GABRA3: variants seen among roughly 807,000 people sequenced by gnomAD.
The protein encoded by GABRA3 is gamma-aminobutyric acid receptor subunit alpha-3.
GABRA3 carries 10 observed loss-of-function variants against 30.1 expected under a neutral mutation model. The observed-to-expected ratio is 0.33, with a 90% CI of 0.20 to 0.56. The LOEUF is 0.56. GABRA3 is among the 20% of genes least tolerant of loss of function. The pLI, the probability that GABRA3 is intolerant of heterozygous loss-of-function variation, is 0.89. For missense variants in GABRA3, 233 were observed against 392.0 expected (o/e 0.59, Z 3.42); for synonymous variants, 151 against 146.8 (o/e 1.03, Z -0.21).
At position 152,404,732 on chromosome X, in the gene GABRA3, TTTATTATTATTATTATTATTA is replaced by T. The variant is rs201230420; in HGVS notation, c.-26-40157_-26-40137del. The stretch of plus-strand genomic sequence containing the variant: ...GAGAAGCAGGAGAGCCAGGAAGTCA[TTTATTATTATTATTATTATTA>T]TTATTATTATTATTATTATTATTAT... On this transcript the variant is annotated intron_variant, in intron 1 of 9. Transcript: ENST00000370314. Among the ~76,000 whole-genome samples, 435 of 65,882 alleles carry T rather than the reference TTTATTATTATTATTATTATTA, an allele frequency of 6.6e-3. 2 individuals are homozygous for T. The highest frequency in any genetic ancestry group is 0.017 in the African/African-American group (395 of 23,733). 57.2% of individuals were successfully genotyped at this position (65,882 alleles called of 115,157 possible). A position where few individuals can be genotyped will look rare whatever the true frequency, so the allele number is the denominator to read the frequency against.
At chrX:152,295,143 C>T (rs1247368873) in intron 3 of GABRA3, among the ~76,000 whole-genome samples, 2 of 112,502 alleles carry the variant, frequency 1.8e-5, no homozygotes, top group Non-Finnish European at 3.8e-5. Context: ...AGTTAGGCTA[C>T]ACGGGGGTCT....
Position 152,185,904 on chromosome X carries a change from A to G in GABRA3, c.1143+3826T>C, listed in dbSNP as rs149271333. Reference sequence around the variant, plus strand: ...GTTAAGCTTTTTTAATCCCAGGTCTATTTTTTTGTACCTATGTGTAAGAAT... The same window carrying G: ...GTTAAGCTTTTTTAATCCCAGGTCTGTTTTTTTGTACCTATGTGTAAGAAT... On this transcript the variant is annotated intron_variant, in intron 9 of 9. Transcript: ENST00000370314. Among the ~76,000 whole-genome samples, 529 of 111,945 alleles carry G rather than the reference A, an allele frequency of 4.7e-3. 2 individuals carry two copies. Among genetic ancestry groups the G allele is most frequent in the African/African-American group, 0.016 (483 of 30,884 alleles).
At chrX:152,427,807 G>C (rs182448676) in intron 1 of GABRA3, among the ~76,000 whole-genome samples, 15 of 111,331 alleles carry the variant, frequency 1.3e-4, no homozygotes, top group Admixed American at 1.1e-3. Flanking sequence ...GAATGCCCAA[G>C]GAAGAGGTTC....
intron 4 of GABRA3, among the ~76,000 whole-genome samples, chrX:152,257,581 A>G (rs1938658158): frequency 8.9e-6 from 1 of 112,596 alleles, no homozygotes; most frequent in Non-Finnish European, 1.9e-5. Flanking sequence ...CCTTTAGTAG[A>G]CCAAAAACAT....
intron 1 of GABRA3, among the ~76,000 whole-genome samples, chrX:152,383,388 C>CAAAAAAAAAAAAAAA (rs34736587): frequency 2.8e-5 from 1 of 35,459 alleles, no homozygotes; most frequent in African/African-American, 1.1e-4. Flanking sequence ...GACTCCATCT[C>CAAAAAAAAAAAAAAA]AAAAAAAAAA....
chrX:152,178,856 T>C (rs757333069), intron 9 of GABRA3, among the ~76,000 whole-genome samples: 2 of 112,036 alleles, frequency 1.8e-5, no homozygotes, highest in African/African-American at 6.5e-5. Context: ...TCTTAGGTGA[T>C]AGTAATACTT....
chrX:152,289,891 C>T (rs1199581316), intron 3 of GABRA3, among the ~76,000 whole-genome samples: 1 of 111,771 alleles, frequency 8.9e-6, no homozygotes, highest in Non-Finnish European at 1.9e-5. Flanking sequence ...TGTATATATG[C>T]CATATTTTCT....
intron 9 of GABRA3, 27 bp from the exon 10 acceptor site, chrX:152,168,590 A>G (rs756739811): frequency 9.2e-7 from 1 of 1,084,319 alleles, no homozygotes; most frequent in East Asian, 3.0e-5. Context: ...AGAGGGGGGG[A>G]AAGGGAGAAA....
intron 1 of GABRA3, among the ~76,000 whole-genome samples, chrX:152,409,853 C>T (rs1407447833): frequency 5.4e-5 from 6 of 112,147 alleles, no homozygotes; most frequent in Admixed American, 9.4e-5. Flanking sequence ...AGCAATCCCA[C>T]TGTTCATTAT....
intron 1 of GABRA3, among the ~76,000 whole-genome samples, chrX:152,444,790 G>A (rs193111611): frequency 1.2e-5 from 1 of 84,693 alleles, no homozygotes; most frequent in East Asian, 3.5e-4. Flanking sequence ...GGCCGGGCGC[G>A]GTGGCTCACG....
intron 1 of GABRA3, among the ~76,000 whole-genome samples, chrX:152,392,780 T>C (rs1423954207): frequency 1.8e-5 from 2 of 112,331 alleles, no homozygotes; most frequent in African/African-American, 6.5e-5. Context: ...TAGTTTACAC[T>C]ATTACGTAGC....
rs747432112 is a variant in GABRA3 at position 152,291,437 on chromosome X, T to C, written c.263-6702A>G. Among the ~76,000 whole-genome samples, 32 of 111,989 alleles carry C rather than the reference T, an allele frequency of 2.9e-4. No individual in the cohort carries two copies. The South Asian group carries it at 0.012, about 42-fold the overall frequency. ...CTGAGATGATGGGGTCTTCTAAATA[T>C]ACAGTCACGTCATCTGCAAACAGGG... On this transcript the variant is annotated intron_variant, in intron 3 of 9. Coordinates refer to ENST00000370314, the MANE Select transcript of GABRA3 (RefSeq NM_000808.4).
chrX:152,414,348 A>G (rs375131391), intron 1 of GABRA3, among the ~76,000 whole-genome samples: 3 of 111,519 alleles, frequency 2.7e-5, no homozygotes, highest in African/African-American at 9.7e-5. Flanking sequence ...AGTAACCTGA[A>G]TGGAACTCAA....
At chrX:152,320,299 T>C (rs909871661) in intron 3 of GABRA3, among the ~76,000 whole-genome samples, 4 of 111,748 alleles carry the variant, frequency 3.6e-5, no homozygotes, top group African/African-American at 9.8e-5. Context: ...CAACTCACAA[T>C]TGCAAAAATA....
At chrX:152,194,816 G>A (rs1268148503) in intron 8 of GABRA3, among the ~76,000 whole-genome samples, 1 of 111,283 alleles carries the variant, frequency 9.0e-6, no homozygotes, top group African/African-American at 3.3e-5. Flanking sequence ...CTGGAGTGCA[G>A]TGGCATGATC....
In GABRA3 at chrX:152,392,908, C is replaced by T. The variant is rs140069654; in HGVS notation, c.-26-28312G>A. ...GATATTGTGCCTTATACAAGAGCCACGGTACAGGGGTAAACAGCTTTGTCC... is the reference window on the plus strand; with the variant it reads ...GATATTGTGCCTTATACAAGAGCCATGGTACAGGGGTAAACAGCTTTGTCC... On this transcript the variant is annotated intron_variant, in intron 1 of 9. Transcript: ENST00000370314. Among the ~76,000 whole-genome samples the T allele has an allele frequency of 5.5e-3, 619 of 111,830 alleles. 1 individual carries two copies. Among genetic ancestry groups the T allele is most frequent in the Non-Finnish European group, 9.0e-3 (478 of 53,190 alleles).
At chrX:152,298,415 C>T (rs1300921682) in intron 3 of GABRA3, among the ~76,000 whole-genome samples, 5 of 106,030 alleles carry the variant, frequency 4.7e-5, no homozygotes, top group Non-Finnish European at 9.7e-5. Flanking sequence ...TGATGTTCCC[C>T]TTCCTGTGTC....
chrX:152,393,476 T>C (rs755372543), intron 1 of GABRA3: 10 of 381,560 alleles, frequency 2.6e-5, no homozygotes, highest in Admixed American at 5.2e-5. Context: ...CAGACAAGCA[T>C]GCTGCATGCT....
At chrX:152,326,228 T>C (rs1023275763) in intron 3 of GABRA3, among the ~76,000 whole-genome samples, 4 of 111,638 alleles carry the variant, frequency 3.6e-5, no homozygotes, top group Non-Finnish European at 7.5e-5. Context: ...CTACATCTGA[T>C]TGGTGTACCT....
Sources: allele counts gnomAD v4.1 joint callset (sites outside exome capture counted in the v4.1 genomes callset), GRCh38; gene constraint gnomAD v4.1.1; transcripts MANE v1.5; gene names NCBI Gene and HGNC (gene_info 2026-07-23, HGNC 2026-07-21).